The following LMAN1L variants were observed in gnomAD, a reference collection of about 807,000 sequenced individuals.
LMAN1L encodes the protein protein ERGIC-53-like.
Under a neutral mutation model 58.3 loss-of-function variants are expected in LMAN1L, and 60 were observed. The ratio of observed to expected loss-of-function variants is 1.03; its 90% CI spans 0.84 to 1.27. The LOEUF is 1.27. LMAN1L is among the 50% of genes most tolerant of loss of function. LMAN1L has a pLI of 0.00. For synonymous variants in LMAN1L, 280 were observed against 271.6 expected, an observed-to-expected ratio of 1.03 and a Z score of -0.31; for missense variants, 629 against 674.0, an observed-to-expected ratio of 0.93 and a Z score of 0.74.
At chr15:74,819,753 AAG>A in intron 6 of LMAN1L, 1 of 537,020 alleles carries the variant, frequency 1.9e-6, no homozygotes, top group Non-Finnish European at 3.4e-6. Context: ...CTGGGGGCCT[AAG>A]AGTGTCAGAT....
chr15:74,816,452 G>T lies in LMAN1L; in HGVS notation c.356G>T (p.Gly119Val), dbSNP rs1337065501. 1 of 1,553,774 alleles carries T rather than the reference G, an allele frequency of 6.4e-7. No homozygotes were observed. The highest frequency in any genetic ancestry group is 8.7e-7 in the Non-Finnish European group (1 of 1,146,672). The stretch of plus-strand genomic sequence containing the variant: ...GCCGTGTGGTACACCCGGGGCAGGG[G>T]CCATGTAGGCTCTGTCCTTGGGGGG... ...GMAVWYTRGR[G>V]HVGSVLGGLA... The change falls in exon 3 of 14, where the codon GGC becomes GTC. Residue 119 changes from glycine (G) to valine (V), a missense_variant. Gly to Val is a moderately radical substitution (Grantham distance 109). Around this residue, in one of 3 missense-constraint regions of LMAN1L, gnomAD observed 573 missense variants for 597.3 expected, o/e 0.96. Coordinates refer to ENST00000309664, the MANE Select transcript of LMAN1L (RefSeq NM_021819.3).
intron 13 of LMAN1L, 47 bp from the exon 14 acceptor site, chr15:74,825,429 C>T: frequency 6.3e-7 from 1 of 1,575,836 alleles, no homozygotes; most frequent in Non-Finnish European, 8.7e-7. Flanking sequence ...TTCAAAAGCC[C>T]ATAAAGGAGA....
chr15:74,812,955 A>C lies in LMAN1L; in HGVS notation c.101A>C (p.Glu34Ala). 6.2e-7 allele frequency: 1 copy of C among 1,613,978 alleles called. No individual in the cohort carries two copies. The highest frequency in any genetic ancestry group is 8.5e-7 in the Non-Finnish European group (1 of 1,179,916). ...ETGCPPLRRF[E>A]YKLSFKGPRL... ...GGGTGTCCTCCTCTACGCAGGTTTGAGTACAAGCTCAGCTTCAAAGGCCCA... is the reference window on the plus strand; with the variant it reads ...GGGTGTCCTCCTCTACGCAGGTTTGCGTACAAGCTCAGCTTCAAAGGCCCA... Residue 34 changes from glutamate to alanine, a missense_variant, in exon 1 of 14, where the codon GAG (glutamate) becomes GCG (alanine). Transcript: ENST00000309664.
chr15:74,824,171 T>C lies in LMAN1L; in HGVS notation c.1324-180T>C, dbSNP rs2063930327. On this transcript the variant is annotated intron_variant, in intron 12 of 13. Coordinates refer to ENST00000309664, the MANE Select transcript of LMAN1L (RefSeq NM_021819.3). Reference sequence around the variant, plus strand: ...CCAGCTGTTCCCACAGATGCAGCCATGGGAGCTGGGGTGGGGGAGGCAGCT... The same window carrying C: ...CCAGCTGTTCCCACAGATGCAGCCACGGGAGCTGGGGTGGGGGAGGCAGCT... 2.0e-5 allele frequency: 13 copies of C among 653,072 alleles called. No individual in the cohort carries two copies. In the South Asian group the frequency reaches 2.3e-4, roughly 11 times the overall value. The allele number at this position is 653,072 out of a possible 1,614,324, so 40.5% of individuals were successfully genotyped here. A position where few individuals can be genotyped will look rare whatever the true frequency, so the allele number is the denominator to read the frequency against.
Position 74,814,270 on chromosome 15 carries a change from T to C in LMAN1L, c.175+1241T>C, listed in dbSNP as rs576113305. ...GTGCAGTGGTGTGATCTTGGCTCAC[T>C]GCAACCTTCACCTCCCAGATTCAAG... On this transcript the variant is annotated intron_variant, in intron 1 of 13. Transcript: ENST00000309664. 7.7e-4 allele frequency among the ~76,000 whole-genome samples: 116 copies of C among 150,886 alleles called. 1 individual carries two copies. The highest frequency in any genetic ancestry group is 3.9e-3 in the South Asian group (18 of 4,630).
rs375617863 is a variant in LMAN1L, at chr15:74,825,734, G to A, written c.*129G>A. ...TGAGCTTTCGGCATGCTCCCACCTC[G>A]TTAAAGGTGATTTCCCTCTCCCCAT... On this transcript the variant is annotated 3_prime_UTR_variant, in exon 14 of 14. Transcript: ENST00000309664. 6 of 858,438 alleles carry A rather than the reference G, an allele frequency of 7.0e-6. No individual in the cohort carries two copies. Among genetic ancestry groups the A allele is most frequent in the African/African-American group, 5.0e-5 (3 of 59,494 alleles). 53.2% of individuals were successfully genotyped at this position (858,438 alleles called of 1,614,324 possible).
At chr15:74,821,269 G>C in intron 9 of LMAN1L, 43 bp downstream of exon 9, 1 of 1,541,964 alleles carries the variant, frequency 6.5e-7, no homozygotes, top group Non-Finnish European at 8.7e-7. Context: ...CTGCGGGCCT[G>C]AAAGAGGAGC....
intron 6 of LMAN1L, 190 bp from the exon 7 acceptor site, chr15:74,819,854 C>G: frequency 1.6e-6 from 1 of 642,586 alleles, no homozygotes; most frequent in African/African-American, 1.8e-5. Flanking sequence ...TGAGGTTCAA[C>G]CCTCACCACC....
chr15:74,824,299 C>A, intron 12 of LMAN1L, 52 bp from the exon 13 acceptor site: 1 of 1,573,890 alleles, frequency 6.4e-7, no homozygotes. Context: ...CCAGGTCCCC[C>A]ACTCCTTCTG....
Position 74,824,368 on chromosome 15 carries a change from C to G in LMAN1L, c.1341C>G (p.Ala447=). 6.2e-7 allele frequency: 1 copy of G among 1,613,910 alleles called. No homozygotes were observed. Among genetic ancestry groups the G allele is most frequent in the Admixed American group, 1.7e-5 (1 of 59,984 alleles). The change falls in exon 13 of 14, where the codon GCC becomes GCG. Residue 447 remains alanine (A), a synonymous_variant. Transcript: ENST00000309664. ...CCTTTCAGAAGGCAGCAGCCAAGGC[C>G]CCCCGCCCACCTGGCCAGCCCCCAA... The part of the protein sequence containing the change: ...LRGPAKAAAK[A]PRPPGQPPRA...
rs142530301 is a variant in LMAN1L, at chr15:74,812,946, G to A, written c.92G>A (p.Arg31His). Residue 31 changes from arginine to histidine, a missense_variant, in exon 1 of 14, where the codon CGC (arginine) becomes CAC (histidine). Physicochemically the swap from Arg to His is conservative, Grantham distance 29. Transcript: ENST00000309664. ...CCTGAGACGGGGTGTCCTCCTCTAC[G>A]CAGGTTTGAGTACAAGCTCAGCTTC... ...HSPETGCPPL[R>H]RFEYKLSFKG... 4.6e-5 allele frequency: 75 copies of A among 1,614,104 alleles called. No individual in the cohort carries two copies. In the African/African-American group the frequency reaches 7.6e-4, roughly 16 times the overall value.
At chr15:74,822,829 G>T in intron 11 of LMAN1L, 120 bp downstream of exon 11, 1 of 709,272 alleles carries the variant, frequency 1.4e-6, no homozygotes, top group Non-Finnish European at 2.5e-6. Context: ...CAATTGGAAG[G>T]GCTACTGGTG....
chr15:74,823,553 G>A lies in LMAN1L; in HGVS notation c.1200-6G>A, dbSNP rs200710528. On this transcript the variant is annotated splice_polypyrimidine_tract_variant and splice_region_variant and intron_variant, in intron 11 of 13. Coordinates refer to ENST00000309664, the MANE Select transcript of LMAN1L (RefSeq NM_021819.3). ...GTCATCTTACTTGGTTACCACCCCC[G>A]GTTAGGGATGCAGCTGTCCGCATGG... is the stretch of plus-strand genomic sequence containing the variant. The A allele has an allele frequency of 7.8e-4, 1,264 of 1,613,588 alleles. No individual in the cohort carries two copies. The highest frequency in any genetic ancestry group is 1.1e-3 in the East Asian group (50 of 44,870).
At chr15:74,813,481 T>A in intron 1 of LMAN1L, 1 of 457,188 alleles carries the variant, frequency 2.2e-6, no homozygotes, top group Non-Finnish European at 4.4e-6. Context: ...TCATCCCAGG[T>A]GAGTGGGCAC....
Position 74,822,727 on chromosome 15 carries a change from G to A in LMAN1L, c.1199+18G>A, listed in dbSNP as rs2063922750. 3 of 1,600,332 alleles carry A rather than the reference G, an allele frequency of 1.9e-6. No homozygotes were observed. In the East Asian group the frequency reaches 6.7e-5, roughly 36 times the overall value. On this transcript the variant is annotated intron_variant, in intron 11 of 13. Transcript: ENST00000309664. ...GAGATGAGGTAAGGGACTGGGTGGGGACCCCTCCACCACCTTGTTTCTCCG... is the reference window on the plus strand; with the variant it reads ...GAGATGAGGTAAGGGACTGGGTGGGAACCCCTCCACCACCTTGTTTCTCCG...
In LMAN1L at chr15:74,813,022, T is replaced by C. The variant is rs1453990636; in HGVS notation, c.168T>C (p.His56=). The change falls in exon 1 of 14, where the codon CAT becomes CAC. Residue 56 remains histidine (H), a synonymous_variant. Transcript: ENST00000309664. ...GGGCTGGAATACCCTTCTGGAGCCATCATGGAGGTGAGGGGCAGGGGTGGG... is the reference window on the plus strand; with the variant it reads ...GGGCTGGAATACCCTTCTGGAGCCACCATGGAGGTGAGGGGCAGGGGTGGG... ...LPGAGIPFWS[H]HGDAILGLEE... is the part of the protein sequence containing the mutation. 14 of 1,611,618 alleles carry C rather than the reference T, an allele frequency of 8.7e-6. No homozygotes were observed. The highest frequency in any genetic ancestry group is 1.2e-5 in the Non-Finnish European group (14 of 1,178,878).
intron 9 of LMAN1L, 100 bp from the exon 10 acceptor site, chr15:74,821,729 T>G: frequency 2.6e-6 from 2 of 780,980 alleles, no homozygotes; most frequent in Non-Finnish European, 4.3e-6. Context: ...AGCTCGAGGT[T>G]TTAATCTTGT....
chr15:74,819,144 TCC>T lies in LMAN1L; in HGVS notation c.598-6_598-5del. The T allele has an allele frequency of 6.2e-7, 1 of 1,604,578 alleles. No homozygotes were observed. Among genetic ancestry groups the T allele is most frequent in the Non-Finnish European group, 8.5e-7 (1 of 1,174,700 alleles). ...CCCCCCACTGCTCACTCTCTCCATG[TCC>T]CTCAGATGTCCTTGAACAGTGGCCT... On this transcript the variant is annotated splice_polypyrimidine_tract_variant and splice_region_variant and intron_variant, in intron 5 of 13. Transcript: ENST00000309664.
chr15:74,823,878 T>A, intron 12 of LMAN1L, 196 bp downstream of exon 12: 1 of 612,432 alleles, frequency 1.6e-6, no homozygotes, highest in Non-Finnish European at 2.8e-6. Context: ...TCATCTTTTC[T>A]CTGTCCTCTC....
Sources: allele counts gnomAD v4.1 joint callset (sites outside exome capture counted in the v4.1 genomes callset), GRCh38; gene constraint gnomAD v4.1.1; regional missense constraint gnomAD v4.1.1; transcripts MANE v1.5; gene names NCBI Gene and HGNC (gene_info 2026-07-23, HGNC 2026-07-21).